NT5E: variants seen among roughly 807,000 people sequenced by gnomAD.
The protein encoded by NT5E is 5'-nucleotidase ecto.
Under a neutral mutation model 55.1 loss-of-function variants are expected in NT5E, and 53 were observed. That is an observed-to-expected ratio of 0.96 (90% CI 0.77 to 1.21). NT5E has a LOEUF of 1.21. NT5E is among the 50% of genes most tolerant of loss of function. NT5E has a pLI of 0.00. For missense variants in NT5E, 683 were observed against 724.3 expected, an observed-to-expected ratio of 0.94 and a Z score of 0.65; for synonymous variants, 270 against 278.4, an observed-to-expected ratio of 0.97 and a Z score of 0.30.
rs6913634 is a variant in NT5E, at chr6:85,494,245, C to T, written c.*241C>T. 40,911 of 489,716 alleles carry T rather than the reference C, an allele frequency of 0.084. 2,408 individuals are homozygous for T. The highest frequency in any genetic ancestry group is 0.23 in the African/African-American group (11,906 of 52,036). The allele number at this position is 489,716 out of a possible 1,614,324, so 30.3% of individuals were successfully genotyped here. ...GAGAAAGCCAACTATGTTAAGTTTACGTGTCCAAATTTTAATGAAATTTTA... is the reference window on the plus strand; with the variant it reads ...GAGAAAGCCAACTATGTTAAGTTTATGTGTCCAAATTTTAATGAAATTTTA... On this transcript the variant is annotated 3_prime_UTR_variant, in exon 9 of 9. Coordinates refer to ENST00000257770, the MANE Select transcript of NT5E (RefSeq NM_002526.4).
At chr6:85,484,507 C>A (rs1769609662) in intron 3 of NT5E, among the ~76,000 whole-genome samples, 1 of 152,192 alleles carries the variant, frequency 6.6e-6, no homozygotes, top group South Asian at 2.1e-4. Flanking sequence ...CCTGCAGAAC[C>A]TGACCAGTGT....
chr6:85,467,120 G>C lies in NT5E; in HGVS notation c.400G>C (p.Glu134Gln), dbSNP rs200207416. ...AGGACTGATCGAGCCACTCCTCAAA[G>C]AGGCCAAATTTCCAATTCTGAGTGC... ...VEGLIEPLLK[E>Q]AKFPILSANI... The change falls in exon 2 of 9, where the codon GAG becomes CAG. Residue 134 changes from glutamate (E) to glutamine (Q), a missense_variant. By Grantham distance (29) the Glu-to-Gln change is conservative. Transcript: ENST00000257770. The C allele has an allele frequency of 3.7e-6, 6 of 1,614,040 alleles. No homozygotes were observed. The highest frequency in any genetic ancestry group is 5.1e-6 in the Non-Finnish European group (6 of 1,180,034).
At chr6:85,480,019 G>A (rs1380068788) in intron 3 of NT5E, among the ~76,000 whole-genome samples, 1 of 152,172 alleles carries the variant, frequency 6.6e-6, no homozygotes, top group East Asian at 1.9e-4. Context: ...TCATGGAGCA[G>A]CCATTACAAA....
intron 8 of NT5E, 131 bp from the exon 9 acceptor site, chr6:85,493,710 G>T: frequency 1.4e-6 from 1 of 711,342 alleles, no homozygotes. Context: ...ATGATCACTA[G>T]CGTTCTTGTC....
chr6:85,460,118 A>G (rs1470081759), intron 1 of NT5E, among the ~76,000 whole-genome samples: 1 of 152,240 alleles, frequency 6.6e-6, no homozygotes, highest in Non-Finnish European at 1.5e-5. Context: ...TCAAAATAAC[A>G]TTCAATTATC....
At chr6:85,463,811 G>A (rs955647720) in intron 1 of NT5E, among the ~76,000 whole-genome samples, 5 of 152,114 alleles carry the variant, frequency 3.3e-5, no homozygotes, top group African/African-American at 9.7e-5. Flanking sequence ...CTGAGTTCTC[G>A]TAAGTGCAAT....
In NT5E at chr6:85,477,267, T is replaced by G. The variant is rs77877950; in HGVS notation, c.751+5842T>G. Among the ~76,000 whole-genome samples the G allele has an allele frequency of 8.6e-3, 1,312 of 152,312 alleles. 20 individuals are homozygous for G. Among genetic ancestry groups the G allele is most frequent in the African/African-American group, 0.03 (1,253 of 41,574 alleles). The stretch of plus-strand genomic sequence containing the variant: ...GGCTGACACATGGAAGGCAGGTGTC[T>G]GGTATTGTTAAATGAACGTTAACAA... On this transcript the variant is annotated intron_variant, in intron 3 of 8. Transcript: ENST00000257770.
At chr6:85,485,550 T>C in intron 4 of NT5E, 118 bp downstream of exon 4, 1 of 1,040,292 alleles carries the variant, frequency 9.6e-7, no homozygotes, top group Non-Finnish European at 1.5e-6. Context: ...TGTTGAAGAA[T>C]TTAGTTTCTT....
chr6:85,478,635 A>G (rs1408625178), intron 3 of NT5E, among the ~76,000 whole-genome samples: 1 of 152,172 alleles, frequency 6.6e-6, no homozygotes, highest in Non-Finnish European at 1.5e-5. Flanking sequence ...TGACAGTGAT[A>G]TGGCTACCTT....
intron 3 of NT5E, among the ~76,000 whole-genome samples, chr6:85,481,944 T>C (rs1421298372): frequency 6.6e-6 from 1 of 152,150 alleles, no homozygotes; most frequent in Non-Finnish European, 1.5e-5. Context: ...AGGCACAAGA[T>C]AGTAGTGGTC....
Position 85,462,306 on chromosome 6 carries a change from T to C in NT5E, c.340-4754T>C, listed in dbSNP as rs1302047074. Reference sequence around the variant, plus strand: ...CTACTTTCTCTTCAAGGCTTCCCACTTCCCTCAAAATGAAAGCCCTGACTC... The same window carrying C: ...CTACTTTCTCTTCAAGGCTTCCCACCTCCCTCAAAATGAAAGCCCTGACTC... On this transcript the variant is annotated intron_variant, in intron 1 of 8. Coordinates refer to ENST00000257770, the MANE Select transcript of NT5E (RefSeq NM_002526.4). Among the ~76,000 whole-genome samples, 2 of 152,104 alleles carry C rather than the reference T, an allele frequency of 1.3e-5. 1 individual carries two copies. Among genetic ancestry groups the C allele is most frequent in the Admixed American group, 1.3e-4 (2 of 15,284 alleles).
chr6:85,481,204 A>C (rs377018900), intron 3 of NT5E, among the ~76,000 whole-genome samples: 5 of 152,362 alleles, frequency 3.3e-5, no homozygotes, highest in East Asian at 3.8e-4. Context: ...CCCTCATGGA[A>C]CTAAATGTCT....
chr6:85,454,522 G>A (rs1768951840), intron 1 of NT5E, among the ~76,000 whole-genome samples: 2 of 152,080 alleles, frequency 1.3e-5, no homozygotes, highest in Admixed American at 6.6e-5. Flanking sequence ...AATTGGGTTA[G>A]CTTTATATTT....
In NT5E at chr6:85,494,088, G is replaced by A; in HGVS notation, c.*84G>A. 3 of 1,356,636 alleles carry A rather than the reference G, an allele frequency of 2.2e-6. No homozygotes were observed. The highest frequency in any genetic ancestry group is 3.1e-6 in the Non-Finnish European group (3 of 958,428). 84.0% of individuals were successfully genotyped at this position (1,356,636 alleles called of 1,614,324 possible). A position where few individuals can be genotyped will look rare whatever the true frequency, so the allele number is the denominator to read the frequency against. ...TCTGCCTTTTAGGACCTGGCTTTGTGACAGCAAAAACCATCTTTACAGGCT... is the reference window on the plus strand; with the variant it reads ...TCTGCCTTTTAGGACCTGGCTTTGTAACAGCAAAAACCATCTTTACAGGCT... On this transcript the variant is annotated 3_prime_UTR_variant, in exon 9 of 9. Coordinates refer to ENST00000257770, the MANE Select transcript of NT5E (RefSeq NM_002526.4).
At chr6:85,493,402 G>A (rs185674563) in intron 8 of NT5E, among the ~76,000 whole-genome samples, 20 of 152,220 alleles carry the variant, frequency 1.3e-4, no homozygotes, top group Admixed American at 1.2e-3. Flanking sequence ...TAGGCAATTA[G>A]CATTTATCCT....
At chr6:85,456,768 C>T (rs999999485) in intron 1 of NT5E, among the ~76,000 whole-genome samples, 1 of 152,154 alleles carries the variant, frequency 6.6e-6, no homozygotes, top group Non-Finnish European at 1.5e-5. Context: ...CTGCAAAAGG[C>T]ATTCTGTCTG....
Position 85,452,088 on chromosome 6 carries a change from G to A in NT5E, c.339+1610G>A, listed in dbSNP as rs551726298. The stretch of plus-strand genomic sequence containing the variant: ...GAACTCTGTGGTCTCTTAAGCATTG[G>A]TATTCCACAGCTACACTTCCCTGAT... On this transcript the variant is annotated intron_variant, in intron 1 of 8. Coordinates refer to ENST00000257770, the MANE Select transcript of NT5E (RefSeq NM_002526.4). Among the ~76,000 whole-genome samples the A allele has an allele frequency of 2.2e-4, 33 of 152,294 alleles. No homozygotes were observed. In the South Asian group the frequency reaches 6.6e-3, roughly 31 times the overall value.
chr6:85,463,420 A>AT (rs1769131975), intron 1 of NT5E, among the ~76,000 whole-genome samples: 1 of 152,348 alleles, frequency 6.6e-6, no homozygotes, highest in Middle Eastern at 3.4e-3. Flanking sequence ...ATTTATACAA[A>AT]TAAAAAAAAG....
At chr6:85,462,053 G>A (rs1468961792) in intron 1 of NT5E, among the ~76,000 whole-genome samples, 2 of 152,072 alleles carry the variant, frequency 1.3e-5, no homozygotes, top group African/African-American at 2.4e-5. Flanking sequence ...TCCTGCCCGT[G>A]CCCTCATGCC....
Sources: allele counts gnomAD v4.1 joint callset (sites outside exome capture counted in the v4.1 genomes callset), GRCh38; gene constraint gnomAD v4.1.1; transcripts MANE v1.5; gene names NCBI Gene and HGNC (gene_info 2026-07-23, HGNC 2026-07-21).